The following CHRM3 variants were observed in gnomAD, a reference collection of about 807,000 sequenced individuals.
The protein encoded by CHRM3 is cholinergic receptor muscarinic 3.
A neutral mutation model predicts 41.8 loss-of-function variants in CHRM3; 11 were observed. That is an observed-to-expected ratio of 0.26 (90% CI 0.17 to 0.44). The LOEUF (loss-of-function observed/expected upper bound fraction) is 0.44. CHRM3 is among the 20% of genes least tolerant of loss of function. CHRM3 has a pLI of 1.00. For synonymous variants in CHRM3, 297 were observed against 301.4 expected, an observed-to-expected ratio of 0.99 and a Z score of 0.15; for missense variants, 571 against 745.4, an observed-to-expected ratio of 0.77 and a Z score of 2.72.
chr1:239,488,646 C>T (rs1667343546), intron 1 of CHRM3, among the ~76,000 whole-genome samples: 1 of 123,442 alleles, frequency 8.1e-6, no homozygotes, highest in South Asian at 2.7e-4. Context: ...ACCTGGAAAG[C>T]AGAGCTTGCA....
intron 5 of CHRM3, chr1:239,727,749 C>T (rs1478554605): frequency 1.3e-5 from 2 of 151,902 alleles, no homozygotes; most frequent in Non-Finnish European, 2.9e-5. Context: ...TGACGGATAC[C>T]TTCCCACATG....
intron 5 of CHRM3, among the ~76,000 whole-genome samples, chr1:239,824,039 A>C (rs1046508080): frequency 2.6e-5 from 4 of 151,962 alleles, no homozygotes; most frequent in Middle Eastern, 3.2e-3. Flanking sequence ...ACTCGGGAGC[A>C]TGTGCGTGAC....
At chr1:239,735,041 A>G (rs1234130877) in intron 5 of CHRM3, among the ~76,000 whole-genome samples, 1 of 152,156 alleles carries the variant, frequency 6.6e-6, no homozygotes, top group Non-Finnish European at 1.5e-5. Context: ...GAAAAGAATG[A>G]TCATACTTTT....
chr1:239,459,600 G>A (rs1665207723), intron 1 of CHRM3, among the ~76,000 whole-genome samples: 1 of 152,124 alleles, frequency 6.6e-6, no homozygotes, highest in African/African-American at 2.4e-5. Flanking sequence ...ATACTTAAAT[G>A]AAAGCAACAT....
chr1:239,632,444 A>G (rs1342593726), intron 4 of CHRM3, among the ~76,000 whole-genome samples, 158 bp downstream of exon 4: 1 of 152,254 alleles, frequency 6.6e-6, no homozygotes, highest in African/African-American at 2.4e-5. Context: ...TTGTGTCTTA[A>G]TAAAGCTAAG....
At chr1:239,796,995 A>G (rs1244062669) in intron 5 of CHRM3, among the ~76,000 whole-genome samples, 1 of 152,228 alleles carries the variant, frequency 6.6e-6, no homozygotes, top group South Asian at 2.1e-4. Flanking sequence ...TATGTTTTGC[A>G]TCAAGAGTAG....
chr1:239,661,940 CTG>C (rs1291964761), intron 4 of CHRM3, among the ~76,000 whole-genome samples: 3 of 152,016 alleles, frequency 2.0e-5, no homozygotes, highest in African/African-American at 7.3e-5. Flanking sequence ...TAGGAACTCT[CTG>C]TAGTTTCTGT....
intron 5 of CHRM3, among the ~76,000 whole-genome samples, chr1:239,793,954 C>T (rs528690012): frequency 6.6e-6 from 1 of 151,648 alleles, no homozygotes; most frequent in Admixed American, 6.6e-5. Flanking sequence ...CTGGGACTAA[C>T]AGGTTCACCC....
intron 6 of CHRM3, among the ~76,000 whole-genome samples, chr1:239,838,532 A>G (rs1448792931): frequency 6.6e-6 from 1 of 152,152 alleles, no homozygotes; most frequent in East Asian, 1.9e-4. Context: ...TTGCCATGCC[A>G]TATTTTGTGT....
chr1:239,772,077 T>A (rs1667721696), intron 5 of CHRM3, among the ~76,000 whole-genome samples: 1 of 152,146 alleles, frequency 6.6e-6, no homozygotes, highest in African/African-American at 2.4e-5. Context: ...ATACAACAAT[T>A]GTTATTAGCA....
chr1:239,702,140 C>T (rs1660741438), intron 5 of CHRM3, among the ~76,000 whole-genome samples: 2 of 152,080 alleles, frequency 1.3e-5, no homozygotes, highest in Admixed American at 6.6e-5. Context: ...ATGGTTGATG[C>T]TTGGTGAATG....
In CHRM3 at chr1:239,496,285, G is replaced by A. The variant is rs186607270; in HGVS notation, c.-422+3478G>A. Among the ~76,000 whole-genome samples the A allele has an allele frequency of 1.6e-4, 25 of 152,146 alleles. No individual in the cohort carries two copies. The East Asian group carries it at 3.9e-3, about 24-fold the overall frequency. ...TTTTACATGCAAAAAATCAAGATTTGGAGAGGCTAAACCAATCGCCTCTGT... is the reference window on the plus strand; with the variant it reads ...TTTTACATGCAAAAAATCAAGATTTAGAGAGGCTAAACCAATCGCCTCTGT... On this transcript the variant is annotated intron_variant, in intron 2 of 6. Coordinates refer to ENST00000676153, the MANE Select transcript of CHRM3 (RefSeq NM_001375978.1).
intron 3 of CHRM3, among the ~76,000 whole-genome samples, chr1:239,622,778 A>C (rs1668527321): frequency 6.6e-6 from 1 of 152,194 alleles, no homozygotes; most frequent in Non-Finnish European, 1.5e-5. Flanking sequence ...ATATTACGTA[A>C]ACTTAGTAAA....
At chr1:239,392,419 C>T (rs1260843106) in intron 1 of CHRM3, among the ~76,000 whole-genome samples, 2 of 152,216 alleles carry the variant, frequency 1.3e-5, no homozygotes, top group East Asian at 1.9e-4. Flanking sequence ...TAGCCTGCTT[C>T]CTGTCCCCAC....
At chr1:239,647,365 C>T (rs1240029150) in intron 4 of CHRM3, among the ~76,000 whole-genome samples, 2 of 152,116 alleles carry the variant, frequency 1.3e-5, no homozygotes. Context: ...TTACTATTGA[C>T]CTTTTGAAAT....
chr1:239,653,227 G>A (rs965904947), intron 4 of CHRM3, among the ~76,000 whole-genome samples: 18 of 152,046 alleles, frequency 1.2e-4, no homozygotes, highest in African/African-American at 4.4e-4. Context: ...CGAGTAAGGG[G>A]GATTCCTAGG....
rs183722362 is a variant in CHRM3 at position 239,586,544 on chromosome 1, C to T, written c.-313+40795C>T. On this transcript the variant is annotated intron_variant, in intron 3 of 6. Transcript: ENST00000676153. ...AAATAATCCCCTTCCCATTCTTCAA[C>T]ATTTCAAGGATCTTATGCTTATATC... Among the ~76,000 whole-genome samples, 29 of 152,282 alleles carry T rather than the reference C, an allele frequency of 1.9e-4. No homozygotes were observed. The East Asian group carries it at 4.6e-3, about 24-fold the overall frequency.
At chr1:239,547,870 A>G (rs1451217329) in intron 3 of CHRM3, among the ~76,000 whole-genome samples, 1 of 151,322 alleles carries the variant, frequency 6.6e-6, no homozygotes, top group Non-Finnish European at 1.5e-5. Context: ...TGAGTATGGA[A>G]TACTGAAATG....
intron 2 of CHRM3, among the ~76,000 whole-genome samples, chr1:239,497,841 C>A (rs1423874087): frequency 6.6e-6 from 1 of 152,138 alleles, no homozygotes; most frequent in Non-Finnish European, 1.5e-5. Context: ...GGCTAGGGGG[C>A]AGGGATCTGC....
Sources: gnomAD v4.1 joint callset for allele counts (sites outside exome capture counted in the v4.1 genomes callset) on GRCh38, gnomAD v4.1.1 for gene constraint, MANE v1.5 for transcripts, NCBI Gene and HGNC (gene_info 2026-07-23, HGNC 2026-07-21) for gene names.